RNF217: variants seen among roughly 807,000 people sequenced by gnomAD.
RNF217 encodes ring finger protein 217.
Under a neutral mutation model 57.8 loss-of-function variants are expected in RNF217, and 31 were observed. That is an observed-to-expected ratio of 0.54 (90% CI 0.40 to 0.72). The LOEUF (loss-of-function observed/expected upper bound fraction) is 0.72, where lower values mean the gene tolerates loss of function less well. Among genes scored for constraint, RNF217 ranks in the 30% least tolerant of loss-of-function variants. RNF217 has a pLI of 0.00. For synonymous variants in RNF217, 313 were observed against 294.0 expected (o/e 1.06, Z -0.66); for missense variants, 696 against 708.3 (o/e 0.98, Z 0.20).
intron 4 of RNF217, among the ~76,000 whole-genome samples, chr6:125,081,202 G>A (rs1788561498): frequency 6.6e-6 from 1 of 152,078 alleles, no homozygotes; most frequent in African/African-American, 2.4e-5. Context: ...GGTTAGAAAG[G>A]ATAAGTGATT....
At chr6:125,073,319 G>GTTC (rs1788221664) in intron 3 of RNF217, among the ~76,000 whole-genome samples, 1 of 152,176 alleles carries the variant, frequency 6.6e-6, no homozygotes. Context: ...ATGAACAACA[G>GTTC]AGGGTAAGTG....
At chr6:124,991,752 T>G (rs1784570374) in intron 1 of RNF217, among the ~76,000 whole-genome samples, 1 of 152,212 alleles carries the variant, frequency 6.6e-6, no homozygotes, top group South Asian at 2.1e-4. Context: ...TATAAATAGT[T>G]TCTAAACCTG....
At chr6:125,005,696 C>G (rs1785153846) in intron 1 of RNF217, among the ~76,000 whole-genome samples, 1 of 151,982 alleles carries the variant, frequency 6.6e-6, no homozygotes, top group African/African-American at 2.4e-5. Flanking sequence ...ATTCATGTAC[C>G]ATATTACATT....
intron 1 of RNF217, among the ~76,000 whole-genome samples, chr6:125,042,128 A>G (rs968246892): frequency 2.0e-5 from 3 of 152,142 alleles, no homozygotes; most frequent in Non-Finnish European, 4.4e-5. Flanking sequence ...AAAGATATGC[A>G]TGTAGAGGCC....
intron 1 of RNF217, among the ~76,000 whole-genome samples, chr6:125,014,902 C>A (rs1785547803): frequency 2.0e-5 from 3 of 152,110 alleles, no homozygotes; most frequent in Non-Finnish European, 2.9e-5. Context: ...CCCAAAGCCC[C>A]TTCCTAATAA....
chr6:124,999,552 T>G (rs961589029), intron 1 of RNF217, among the ~76,000 whole-genome samples: 1 of 152,184 alleles, frequency 6.6e-6, no homozygotes, highest in Admixed American at 6.5e-5. Flanking sequence ...GCTCATAGAC[T>G]GTAGTTCTGC....
chr6:125,045,204 C>T lies in RNF217; in HGVS notation c.883-7C>T, dbSNP rs769003077. On this transcript the variant is annotated splice_region_variant and splice_polypyrimidine_tract_variant and intron_variant, in intron 1 of 5. Coordinates refer to ENST00000521654, the MANE Select transcript of RNF217 (RefSeq NM_001286398.3). ...TTTTTCCTTCCATCTGCTCTTCCATCATGCAGGTACAACTTGGCCAAGTAG... is the reference window on the plus strand; with the variant it reads ...TTTTTCCTTCCATCTGCTCTTCCATTATGCAGGTACAACTTGGCCAAGTAG... 6.9e-6 allele frequency: 11 copies of T among 1,590,446 alleles called. No homozygotes were observed. In the African/African-American group the frequency reaches 1.2e-4, roughly 18 times the overall value.
intron 4 of RNF217, among the ~76,000 whole-genome samples, chr6:125,078,010 C>CTAAAATCTA (rs1274960581): frequency 1.3e-5 from 2 of 152,130 alleles, no homozygotes; most frequent in Non-Finnish European, 2.9e-5. Context: ...CCGTCATTTT[C>CTAAAATCTA]TAAAATCTAT....
chr6:125,076,844 G>A lies in RNF217; in HGVS notation c.1469G>A (p.Arg490Gln), dbSNP rs753807024. ...AGACCTCATTTAAGGAGATTAGTGC[G>A]AGGGTCAGTCTGTGGTGAGTGTCTG... is the stretch of plus-strand genomic sequence containing the variant. ...PERPHLRRLV[R>Q]GSVCAGKLFI... Residue 490 changes from arginine (R) to glutamine (Q), a missense_variant, in exon 4 of 6, where the codon CGA becomes CAA. By Grantham distance (43) the Arg-to-Gln change is conservative. Around this residue, in one of 2 missense-constraint regions of RNF217, gnomAD observed 231 missense variants for 321.4 expected, o/e 0.72. Coordinates refer to ENST00000521654, the MANE Select transcript of RNF217 (RefSeq NM_001286398.3). 4 of 1,613,150 alleles carry A rather than the reference G, an allele frequency of 2.5e-6. No homozygotes were observed. The highest frequency in any genetic ancestry group is 3.4e-6 in the Non-Finnish European group (4 of 1,179,462).
At chr6:125,076,593 G>T in intron 3 of RNF217, 64 bp from the exon 4 acceptor site, 1 of 1,050,682 alleles carries the variant, frequency 9.5e-7, no homozygotes, top group Non-Finnish European at 1.5e-6. Context: ...CATAAAATTT[G>T]CGATTTTGCT....
At chr6:125,051,081 G>T (rs1348503280) in intron 2 of RNF217, among the ~76,000 whole-genome samples, 2 of 151,604 alleles carry the variant, frequency 1.3e-5, no homozygotes, top group Non-Finnish European at 2.9e-5. Context: ...TTCTTTGTTT[G>T]CTTTTTTGAT....
intron 1 of RNF217, among the ~76,000 whole-genome samples, chr6:125,018,427 G>A (rs1785694313): frequency 6.6e-6 from 1 of 152,110 alleles, no homozygotes; most frequent in Admixed American, 6.6e-5. Context: ...AGTTCTCTTT[G>A]AGCACAAGAT....
chr6:124,964,782 T>C (rs1783469352), intron 1 of RNF217, among the ~76,000 whole-genome samples: 1 of 152,240 alleles, frequency 6.6e-6, no homozygotes, highest in South Asian at 2.1e-4. Context: ...TGTATCATCA[T>C]CCTCAAAACA....
intron 4 of RNF217, 93 bp from the exon 5 acceptor site, chr6:125,081,340 AAAT>A: frequency 1.1e-6 from 1 of 876,926 alleles, no homozygotes; most frequent in South Asian, 1.6e-5. Context: ...ACTACTTAAA[AAAT>A]AATATACACT....
intron 1 of RNF217, among the ~76,000 whole-genome samples, chr6:125,012,390 A>C (rs909098820): frequency 6.6e-6 from 1 of 152,156 alleles, no homozygotes; most frequent in African/African-American, 2.4e-5. Context: ...GTACTCCGTC[A>C]TGTCTACAGT....
chr6:125,013,835 A>C (rs1785509757), intron 1 of RNF217, among the ~76,000 whole-genome samples: 1 of 152,142 alleles, frequency 6.6e-6, no homozygotes, highest in African/African-American at 2.4e-5. Flanking sequence ...GTACCTACTG[A>C]GTGATGTTTC....
intron 1 of RNF217, among the ~76,000 whole-genome samples, chr6:124,988,317 A>G (rs962559363): frequency 6.6e-6 from 1 of 152,192 alleles, no homozygotes; most frequent in Non-Finnish European, 1.5e-5. Context: ...AGTTTTTCGT[A>G]TTCTGAAAAG....
At position 125,059,383 on chromosome 6, in the gene RNF217, A is replaced by T. The variant is rs545335054; in HGVS notation, c.1281+1277A>T. Reference sequence around the variant, plus strand: ...TTTTTCATTCCATTAAAGAACAACTAGAAAATGAGGCCTTCCCCCCTTTCT... The same window carrying T: ...TTTTTCATTCCATTAAAGAACAACTTGAAAATGAGGCCTTCCCCCCTTTCT... On this transcript the variant is annotated intron_variant, in intron 3 of 5. Transcript: ENST00000521654. Among the ~76,000 whole-genome samples, 64 of 152,294 alleles carry T rather than the reference A, an allele frequency of 4.2e-4. 1 individual carries two copies. The South Asian group carries it at 0.013, about 32-fold the overall frequency.
Position 125,090,350 on chromosome 6 carries a change from A to T in RNF217, c.*7413A>T, listed in dbSNP as rs1443473522. ...ACACAACAGTGATGTTAAAATGTTA[A>T]CAAAGAACCAGTTGTTTTGATTCTA... On this transcript the variant is annotated 3_prime_UTR_variant, in exon 6 of 6. Transcript: ENST00000521654. 6.6e-6 allele frequency: 1 copy of T among 152,092 alleles called. No homozygotes were observed. Among genetic ancestry groups the T allele is most frequent in the Non-Finnish European group, 1.5e-5 (1 of 67,954 alleles). The allele number at this position is 152,092 out of a possible 1,614,324, so 9.4% of individuals were successfully genotyped here.
Sources: gnomAD v4.1 joint callset for allele counts (sites outside exome capture counted in the v4.1 genomes callset) on GRCh38, gnomAD v4.1.1 for gene constraint, gnomAD v4.1.1 regional missense constraint, MANE v1.5 for transcripts, NCBI Gene and HGNC (gene_info 2026-07-23, HGNC 2026-07-21) for gene names.